DDX60: variants seen among roughly 807,000 people sequenced by gnomAD.
The protein encoded by DDX60 is probable ATP-dependent RNA helicase DDX60.
DDX60 carries 165 observed loss-of-function variants against 212.8 expected under a neutral mutation model. The ratio of observed to expected loss-of-function variants is 0.78; its 90% confidence interval spans 0.68 to 0.88. DDX60 has a LOEUF of 0.88. DDX60 is among the 40% of genes least tolerant of loss of function. DDX60 has a pLI of 0.00. For missense variants in DDX60, 1,905 were observed against 2,003.9 expected, an observed-to-expected ratio of 0.95 and a Z score of 0.94; for synonymous variants, 703 against 685.3, an observed-to-expected ratio of 1.03 and a Z score of -0.40.
chr4:168,274,525 T>C (rs938838706), intron 16 of DDX60, among the ~76,000 whole-genome samples: 5 of 152,156 alleles, frequency 3.3e-5, no homozygotes, highest in African/African-American at 9.6e-5. Flanking sequence ...CCGAAGAATG[T>C]TGACTAGCCG....
At chr4:168,239,127 T>C (rs1437764838) in intron 30 of DDX60, among the ~76,000 whole-genome samples, 2 of 152,172 alleles carry the variant, frequency 1.3e-5, no homozygotes, top group East Asian at 3.9e-4. Flanking sequence ...GGTGATGCTG[T>C]AAATATTTAC....
intron 28 of DDX60, among the ~76,000 whole-genome samples, chr4:168,249,957 T>C (rs1734156666): frequency 6.6e-6 from 1 of 152,202 alleles, no homozygotes. Flanking sequence ...GTAATATATG[T>C]CATACAAAAT....
At chr4:168,248,375 A>C (rs2149503102) in intron 28 of DDX60, 83 bp from the exon 29 acceptor site, 4 of 1,025,484 alleles carry the variant, frequency 3.9e-6, no homozygotes, top group East Asian at 2.9e-5. Context: ...TTGCTGAAAA[A>C]CTCTTTGAGC....
At position 168,262,537 on chromosome 4, in the gene DDX60, T is replaced by C. The variant is rs1734664270; in HGVS notation, c.3144+146A>G. ...AACCCATTAAAAAACAAACAGATAA[T>C]GTTAGAAATATGAGAAGAGGCACTC... On this transcript the variant is annotated intron_variant, in intron 23 of 37. Transcript: ENST00000393743. The C allele has an allele frequency of 7.0e-6, 4 of 574,660 alleles. No homozygotes were observed. The Admixed American group carries it at 1.0e-4, about 15-fold the overall frequency. 35.6% of individuals were successfully genotyped at this position (574,660 alleles called of 1,614,324 possible).
intron 13 of DDX60, among the ~76,000 whole-genome samples, chr4:168,281,912 A>G (rs1735611309): frequency 6.6e-6 from 1 of 152,178 alleles, no homozygotes; most frequent in Non-Finnish European, 1.5e-5. Flanking sequence ...TACAAGGGTT[A>G]CCTTTGACCC....
chr4:168,321,697 C>T (rs1019323536), upstream of DDX60, among the ~76,000 whole-genome samples: 1 of 152,176 alleles, frequency 6.6e-6, no homozygotes, highest in Non-Finnish European at 1.5e-5. Context: ...CACTTACACA[C>T]AACATAACTA....
chr4:168,272,079 GT>G lies in DDX60; in HGVS notation c.2633del (p.Asn878ThrfsTer3). ...EILLLAPHRQNWVKKIRYVIF... is the reference protein window; with the variant it reads ...EILLLAPHRQXWVKKIRYVIF... ...TAACATATCTGATCTTTTTCACCCAGTTTTGGCGATGAGGAGCAAGCAGCAG... is the reference window on the plus strand; with the variant it reads ...TAACATATCTGATCTTTTTCACCCAGTTTGGCGATGAGGAGCAAGCAGCAG... On this transcript the variant is annotated frameshift_variant, in exon 19 of 38. Transcript: ENST00000393743. LOFTEE classifies it high-confidence loss of function. 6.3e-7 allele frequency: 1 copy of G among 1,587,792 alleles called. No individual in the cohort carries two copies. The highest frequency in any genetic ancestry group is 8.6e-7 in the Non-Finnish European group (1 of 1,164,268).
intron 6 of DDX60, among the ~76,000 whole-genome samples, chr4:168,297,297 C>CAAGAAAGAAAGAAAGAAAGAAAGAAA (rs1491399857): frequency 2.4e-4 from 16 of 67,474 alleles, no homozygotes; most frequent in Non-Finnish European, 4.3e-4. Context: ...GAGAGAGAGA[C>CAAGAAAGAAAGAAAGAAAGAAAGAAA]GAAAGAAAGA....
chr4:168,259,066 T>A lies in DDX60; in HGVS notation c.3398+1799A>T, dbSNP rs547871614. On this transcript the variant is annotated intron_variant, in intron 25 of 37. Coordinates refer to ENST00000393743, the MANE Select transcript of DDX60 (RefSeq NM_017631.6). ...AATTCACTATGTAAGTGTCCAACTC[T>A]AACTGCATCGTTGGGTTTTCAACTC... 1.2e-4 allele frequency among the ~76,000 whole-genome samples: 19 copies of A among 152,334 alleles called. 1 individual carries two copies. The highest frequency in any genetic ancestry group is 4.1e-4 in the African/African-American group (17 of 41,578).
intron 33 of DDX60, among the ~76,000 whole-genome samples, chr4:168,230,937 T>C (rs1463648292): frequency 5.9e-5 from 9 of 151,764 alleles, no homozygotes; most frequent in Non-Finnish European, 1.0e-4. Context: ...ACAACATTGA[T>C]AAATAGACCA....
At chr4:168,220,036 C>T (rs1732994208) in intron 37 of DDX60, among the ~76,000 whole-genome samples, 1 of 141,432 alleles carries the variant, frequency 7.1e-6, no homozygotes, top group Non-Finnish European at 1.5e-5. Context: ...AATTCTGTCT[C>T]AAAAAAAAAA....
chr4:168,245,042 T>C (rs771737024), intron 30 of DDX60, among the ~76,000 whole-genome samples: 1 of 152,200 alleles, frequency 6.6e-6, no homozygotes, highest in Non-Finnish European at 1.5e-5. Flanking sequence ...GCAATATGAA[T>C]GTACTTAACA....
At chr4:168,302,512 T>C in intron 5 of DDX60, 96 bp from the exon 6 acceptor site, 1 of 534,084 alleles carries the variant, frequency 1.9e-6, no homozygotes, top group East Asian at 3.4e-5. Flanking sequence ...ATAATTATGT[T>C]ACGATATATT....
At chr4:168,310,734 G>A (rs1482619249) in intron 3 of DDX60, among the ~76,000 whole-genome samples, 1 of 152,154 alleles carries the variant, frequency 6.6e-6, no homozygotes, top group Admixed American at 6.5e-5. Context: ...GTTTTCATGT[G>A]TATGTGTTGG....
chr4:168,290,279 A>C (rs550623610), intron 8 of DDX60, among the ~76,000 whole-genome samples: 1 of 149,636 alleles, frequency 6.7e-6, no homozygotes, highest in South Asian at 2.1e-4. Flanking sequence ...TTCCTCCAGG[A>C]CTTGGGTCAC....
intron 37 of DDX60, 166 bp downstream of exon 37, chr4:168,220,489 G>A (rs972352511): frequency 8.2e-5 from 41 of 499,720 alleles, no homozygotes; most frequent in African/African-American, 4.6e-4. Context: ...AATACAACAC[G>A]TGTTGAACAG....
At chr4:168,250,436 G>A (rs1459147102) in intron 28 of DDX60, among the ~76,000 whole-genome samples, 1 of 151,796 alleles carries the variant, frequency 6.6e-6, no homozygotes, top group African/African-American at 2.4e-5. Flanking sequence ...AGCTACTCAG[G>A]AGGTTCAACA....
chr4:168,271,877 G>C (rs146661075), intron 19 of DDX60, among the ~76,000 whole-genome samples, 166 bp downstream of exon 19: 2 of 151,750 alleles, frequency 1.3e-5, no homozygotes, highest in Admixed American at 6.6e-5. Flanking sequence ...CAGGAAAAGG[G>C]AGCCAAAAAA....
intron 1 of DDX60, among the ~76,000 whole-genome samples, chr4:168,315,520 T>C (rs757385999): frequency 2.0e-5 from 3 of 152,160 alleles, no homozygotes; most frequent in East Asian, 1.9e-4. Flanking sequence ...CAACCCGTCA[T>C]CCAGGTTTTA....
Sources: gnomAD v4.1 joint callset for allele counts (sites outside exome capture counted in the v4.1 genomes callset) on GRCh38, gnomAD v4.1.1 for gene constraint, MANE v1.5 for transcripts, NCBI Gene and HGNC (gene_info 2026-07-23, HGNC 2026-07-21) for gene names.